The following ADAMTS17 variants were observed in gnomAD, a reference collection of about 807,000 sequenced individuals.
ADAMTS17 encodes the protein A disintegrin and metalloproteinase with thrombospondin motifs 17.
ADAMTS17 carries 113 observed loss-of-function variants against 141.5 expected under a neutral mutation model. The observed-to-expected ratio is 0.80, with a 90% CI of 0.69 to 0.93. The LOEUF is 0.93. Ranked by LOEUF, ADAMTS17 falls within the 40% of genes least tolerant of loss-of-function variation. The pLI is 0.00. For missense variants in ADAMTS17, 1,659 were observed against 1,517.9 expected (o/e 1.09, Z -1.54); for synonymous variants, 768 against 630.6 (o/e 1.22, Z -3.27).
chr15:100,207,909 C>T (rs1390502926), intron 7 of ADAMTS17, among the ~76,000 whole-genome samples: 1 of 152,124 alleles, frequency 6.6e-6, no homozygotes, highest in Non-Finnish European at 1.5e-5. Flanking sequence ...AATCCCCAGG[C>T]CCTAGGAGAT....
chr15:100,193,746 C>T (rs2041008163), intron 8 of ADAMTS17, among the ~76,000 whole-genome samples: 1 of 152,222 alleles, frequency 6.6e-6, no homozygotes, highest in South Asian at 2.1e-4. Context: ...CAGTGTTTTC[C>T]AGAGGCCACG....
At chr15:100,117,323 G>A (rs1298520686) in intron 12 of ADAMTS17, among the ~76,000 whole-genome samples, 1 of 152,144 alleles carries the variant, frequency 6.6e-6, no homozygotes, top group African/African-American at 2.4e-5. Flanking sequence ...ATTTGGCCAT[G>A]GGTAACACTG....
At chr15:100,248,574 C>A (rs2043057008) in intron 7 of ADAMTS17, among the ~76,000 whole-genome samples, 1 of 152,170 alleles carries the variant, frequency 6.6e-6, no homozygotes, top group South Asian at 2.1e-4. Context: ...AAGAATTCAA[C>A]AGAGGAAATG....
intron 8 of ADAMTS17, among the ~76,000 whole-genome samples, chr15:100,178,210 ATTTGT>A (rs976704223): frequency 2.6e-5 from 4 of 151,938 alleles, no homozygotes; most frequent in Non-Finnish European, 5.9e-5. Context: ...CCATTTTATT[ATTTGT>A]TTTGTTTCTT....
chr15:100,163,000 A>G (rs1048612192), intron 8 of ADAMTS17, among the ~76,000 whole-genome samples: 9 of 142,628 alleles, frequency 6.3e-5, no homozygotes, highest in Non-Finnish European at 9.0e-5. Flanking sequence ...CTATATATGT[A>G]TATATGTGTA....
In ADAMTS17 at chr15:100,341,411, T is replaced by C. The variant is rs2046362744; in HGVS notation, c.80-2A>G. 4 of 1,015,876 alleles carry C rather than the reference T, an allele frequency of 3.9e-6. No individual in the cohort carries two copies. The highest frequency in any genetic ancestry group is 4.7e-6 in the Non-Finnish European group (4 of 851,614). 62.9% of individuals were successfully genotyped at this position (1,015,876 alleles called of 1,614,324 possible). A position where few individuals can be genotyped will look rare whatever the true frequency, so the allele number is the denominator to read the frequency against. On this transcript the variant is annotated splice_acceptor_variant, in intron 1 of 21. Coordinates refer to ENST00000268070, the MANE Select transcript of ADAMTS17 (RefSeq NM_139057.4). LOFTEE classifies it high-confidence loss of function. ...CGTCGGCCGCCGCGTCGCCGACAGC[T>C]GCGGGGAGAGAGGAGACGCGTCAGC...
In ADAMTS17 at chr15:100,228,113, A is replaced by T. The variant is rs569296214; in HGVS notation, c.1075+26023T>A. 4.6e-5 allele frequency among the ~76,000 whole-genome samples: 7 copies of T among 152,008 alleles called. No individual in the cohort carries two copies. The East Asian group carries it at 1.2e-3, about 25-fold the overall frequency. On this transcript the variant is annotated intron_variant, in intron 7 of 21. Transcript: ENST00000268070. Reference sequence around the variant, plus strand: ...CCTTCATGTTCCTCAAATGCTCCAAACTCTTTCTTGCTTCAAGGCTTTCAG... The same window carrying T: ...CCTTCATGTTCCTCAAATGCTCCAATCTCTTTCTTGCTTCAAGGCTTTCAG...
intron 18 of ADAMTS17, among the ~76,000 whole-genome samples, chr15:99,998,989 C>T (rs891831246): frequency 1.3e-5 from 2 of 152,228 alleles, no homozygotes; most frequent in South Asian, 4.1e-4. Flanking sequence ...GCCGGGCCAT[C>T]CCACTGTTGA....
chr15:99,997,652 C>G lies in ADAMTS17; in HGVS notation c.2592-63G>C, dbSNP rs1244553758. 1 of 1,601,638 alleles carries G rather than the reference C, an allele frequency of 6.2e-7. No individual in the cohort carries two copies. The highest frequency in any genetic ancestry group is 8.5e-7 in the Non-Finnish European group (1 of 1,172,610). On this transcript the variant is annotated intron_variant, in intron 18 of 21. Transcript: ENST00000268070. This position sits in a 1 kb window ranked among gnomAD's most constrained non-coding sequence, Gnocchi z 4.7. ...TGAGAGGCCAGCCTCTCCGGAGGGC[C>G]TTCCGGCCGGATCCTGGAATTGCTG... is the stretch of plus-strand genomic sequence containing the variant.
rs977439848 is a variant in ADAMTS17 at position 99,997,660 on chromosome 15, C to T, written c.2592-71G>A. ...CAGCCTCTCCGGAGGGCCTTCCGGC[C>T]GGATCCTGGAATTGCTGCCCTGTGG... On this transcript the variant is annotated intron_variant, in intron 18 of 21. Coordinates refer to ENST00000268070, the MANE Select transcript of ADAMTS17 (RefSeq NM_139057.4). This position sits in a 1 kb window ranked among gnomAD's most constrained non-coding sequence, Gnocchi z 4.7. 4.8e-5 allele frequency: 77 copies of T among 1,593,958 alleles called. No individual in the cohort carries two copies. The highest frequency in any genetic ancestry group is 1.3e-4 in the Admixed American group (8 of 59,874).
chr15:100,341,557 C>T (rs1290524742), intron 1 of ADAMTS17, 148 bp from the exon 2 acceptor site: 32 of 861,648 alleles, frequency 3.7e-5, no homozygotes, highest in Non-Finnish European at 4.6e-5. Context: ...CCACGCTGGC[C>T]CGCGCCACCC....
intron 12 of ADAMTS17, among the ~76,000 whole-genome samples, chr15:100,119,187 T>C (rs980975814): frequency 3.3e-5 from 5 of 152,114 alleles, no homozygotes; most frequent in African/African-American, 1.2e-4. Context: ...GTCGACACCC[T>C]GATTTGGACT....
chr15:100,032,904 T>C (rs1394439588), intron 18 of ADAMTS17, among the ~76,000 whole-genome samples: 1 of 152,190 alleles, frequency 6.6e-6, no homozygotes, highest in Non-Finnish European at 1.5e-5. Flanking sequence ...TTTCTCTCCT[T>C]ACTGCTGATG....
intron 2 of ADAMTS17, among the ~76,000 whole-genome samples, chr15:100,333,659 C>A (rs113736899): frequency 6.6e-6 from 1 of 152,206 alleles, no homozygotes; most frequent in Non-Finnish European, 1.5e-5. Flanking sequence ...TTCTGGCCCA[C>A]GACTGCGCGT....
At chr15:100,323,936 GTGGT>G (rs1227932479) in intron 3 of ADAMTS17, among the ~76,000 whole-genome samples, 3 of 151,876 alleles carry the variant, frequency 2.0e-5, no homozygotes, top group Admixed American at 6.6e-5. Context: ...GGTCAGTCTG[GTGGT>G]TGCTTCCGGG....
intron 15 of ADAMTS17, among the ~76,000 whole-genome samples, chr15:100,081,298 C>CA (rs1164311791): frequency 1.3e-5 from 2 of 152,290 alleles, no homozygotes; most frequent in African/African-American, 4.8e-5. Flanking sequence ...AGCTTGCGGA[C>CA]AGCCTATTGT....
At chr15:100,314,464 A>G (rs1243577406) in intron 3 of ADAMTS17, among the ~76,000 whole-genome samples, 1 of 152,184 alleles carries the variant, frequency 6.6e-6, no homozygotes, top group Non-Finnish European at 1.5e-5. Context: ...GTGGAGGGAG[A>G]AAGGGTTGGA....
At chr15:100,206,990 A>G (rs1041376413) in intron 7 of ADAMTS17, among the ~76,000 whole-genome samples, 1 of 152,194 alleles carries the variant, frequency 6.6e-6, no homozygotes, top group Non-Finnish European at 1.5e-5. Context: ...TGGTAAGAGC[A>G]AATACGTGCA....
At chr15:100,100,547 A>G (rs536943059) in intron 14 of ADAMTS17, among the ~76,000 whole-genome samples, 2 of 152,256 alleles carry the variant, frequency 1.3e-5, no homozygotes, top group Non-Finnish European at 2.9e-5. Context: ...ACAGACAGGC[A>G]TCCTAGCCTG....
Sources: allele counts gnomAD v4.1 joint callset (sites outside exome capture counted in the v4.1 genomes callset), GRCh38; gene constraint gnomAD v4.1.1; non-coding constraint Gnocchi (gnomAD v3.1); transcripts MANE v1.5; gene names NCBI Gene and HGNC (gene_info 2026-07-23, HGNC 2026-07-21).